ZSCAN23: variants seen among roughly 807,000 people sequenced by gnomAD.
ZSCAN23 encodes the protein zinc finger and SCAN domain containing 23, also known as zinc finger and SCAN domain-containing protein 23.
ZSCAN23 carries 19 observed loss-of-function variants against 19.3 expected under a neutral mutation model. The ratio of observed to expected loss-of-function variants is 0.99; its 90% CI spans 0.69 to 1.45. ZSCAN23 has a LOEUF of 1.45. Ranked by LOEUF, ZSCAN23 falls within the 40% of genes most tolerant of loss-of-function variation. ZSCAN23 has a pLI of 0.00. For synonymous variants in ZSCAN23, 140 were observed against 166.2 expected, an observed-to-expected ratio of 0.84 and a Z score of 1.21; for missense variants, 372 against 462.5, an observed-to-expected ratio of 0.80 and a Z score of 1.79.
Position 28,440,345 on chromosome 6 carries a change from G to C in ZSCAN23, c.-78+3054C>G, listed in dbSNP as rs531471683. Among the ~76,000 whole-genome samples the C allele has an allele frequency of 4.6e-5, 7 of 152,222 alleles. No individual in the cohort carries two copies. The East Asian group carries it at 1.4e-3, about 29-fold the overall frequency. On this transcript the variant is annotated intron_variant, in intron 1 of 3. Transcript: ENST00000289788. ...ACCACTGGGGATTTTTGAGCCAAGG[G>C]GTAACAAAATTTTACTTCCATTTAA...
chr6:28,435,116 G>C, intron 3 of ZSCAN23, 38 bp from the exon 4 acceptor site: 1 of 1,475,078 alleles, frequency 6.8e-7, no homozygotes, highest in Non-Finnish European at 9.0e-7. Flanking sequence ...CATGAAGTAT[G>C]AAAAATAACA....
At chr6:28,441,387 G>A (rs1761997333) in intron 1 of ZSCAN23, among the ~76,000 whole-genome samples, 1 of 152,136 alleles carries the variant, frequency 6.6e-6, no homozygotes, top group African/African-American at 2.4e-5. Context: ...GCTCCAGTCA[G>A]GTTTTTCTTC....
At chr6:28,430,207 C>G (rs548239363), downstream of ZSCAN23, among the ~76,000 whole-genome samples, 5 of 149,910 alleles carry the variant, frequency 3.3e-5, no homozygotes, top group Non-Finnish European at 5.9e-5. Flanking sequence ...CAGGGTCTTT[C>G]CCTCTATCCT....
Position 28,434,514 on chromosome 6 carries a change from C to G in ZSCAN23, c.1121G>C (p.Cys374Ser), listed in dbSNP as rs1253285811. ...GACTTTCCGATGCTGGATTAGGTTG[C>G]AATGGTAAATGAAGTTCTTGCCACA... ...EECGKNFIYH[C>S]NLIQHRKVHP... Residue 374 changes from cysteine to serine, a missense_variant, in exon 4 of 4, where the codon TGC (cysteine) becomes TCC (serine). Transcript: ENST00000289788. 1 of 1,551,664 alleles carries G rather than the reference C, an allele frequency of 6.4e-7. No individual in the cohort carries two copies. The highest frequency in any genetic ancestry group is 8.7e-7 in the Non-Finnish European group (1 of 1,146,872).
Position 28,434,649 on chromosome 6 carries a change from C to G in ZSCAN23, c.986G>C (p.Gly329Ala). The G allele has an allele frequency of 6.4e-7, 1 of 1,565,640 alleles. No homozygotes were observed. Among genetic ancestry groups the G allele is most frequent in the South Asian group, 1.2e-5 (1 of 85,528 alleles). The change falls in exon 4 of 4, where the codon GGG becomes GCG. Residue 329 changes from glycine (G) to alanine (A), a missense_variant. Coordinates refer to ENST00000289788, the MANE Select transcript of ZSCAN23 (RefSeq NM_001012455.2). ...GLFHHLRIHT[G>A]EKPYQCNQCN... Reference sequence around the variant, plus strand: ...CTGATTGCACTGGTAAGGCTTCTCCCCAGTGTGAATTCTGAGGTGATGGAA... The same window carrying G: ...CTGATTGCACTGGTAAGGCTTCTCCGCAGTGTGAATTCTGAGGTGATGGAA...
chr6:28,434,120 T>G lies in ZSCAN23; in HGVS notation c.*345A>C. 1 of 178,728 alleles carries G rather than the reference T, an allele frequency of 5.6e-6. No individual in the cohort carries two copies. Among genetic ancestry groups the G allele is most frequent in the South Asian group, 1.9e-4 (1 of 5,346 alleles). The allele number at this position is 178,728 out of a possible 1,614,324, so 11.1% of individuals were successfully genotyped here. The stretch of plus-strand genomic sequence containing the variant: ...TTTTAAATACTCGGTGAACTGCATT[T>G]GAGATTATTTTGTACTCAGCCTACA... On this transcript the variant is annotated 3_prime_UTR_variant, in exon 4 of 4. Coordinates refer to ENST00000289788, the MANE Select transcript of ZSCAN23 (RefSeq NM_001012455.2).
chr6:28,439,269 G>A (rs999697719), intron 1 of ZSCAN23, among the ~76,000 whole-genome samples: 18 of 151,658 alleles, frequency 1.2e-4, no homozygotes, highest in Admixed American at 1.1e-3. Context: ...GTATTTTTTT[G>A]GTAGAGACAG....
At chr6:28,435,202 G>T in intron 3 of ZSCAN23, 124 bp from the exon 4 acceptor site, 1 of 1,210,532 alleles carries the variant, frequency 8.3e-7, no homozygotes, top group Non-Finnish European at 1.1e-6. Context: ...CACTTTTTCT[G>T]TTTATTTTTC....
At chr6:28,423,451 A>G in the ZSCAN23 span, among the ~76,000 whole-genome samples, 1 of 152,058 alleles carries the variant, frequency 6.6e-6, no homozygotes, top group East Asian at 1.9e-4. Flanking sequence ...CCTCTTTCCT[A>G]TACTCTGGGA....
At chr6:28,437,750 A>G (rs1297920985) in intron 1 of ZSCAN23, among the ~76,000 whole-genome samples, 1 of 152,192 alleles carries the variant, frequency 6.6e-6, no homozygotes, top group African/African-American at 2.4e-5. Context: ...TTATTAAGAA[A>G]TATTTTATAT....
chr6:28,424,230 AGT>A, the ZSCAN23 span, among the ~76,000 whole-genome samples: 3 of 152,226 alleles, frequency 2.0e-5, no homozygotes, highest in African/African-American at 7.2e-5. Flanking sequence ...CAGTCTATTA[AGT>A]GTGCAGTAGC....
At chr6:28,441,638 C>A (rs1269265480) in intron 1 of ZSCAN23, among the ~76,000 whole-genome samples, 2 of 151,994 alleles carry the variant, frequency 1.3e-5, no homozygotes, top group African/African-American at 2.4e-5. Context: ...TCTTCAGAAC[C>A]TTTTTTAAAT....
At chr6:28,435,726 C>A in intron 2 of ZSCAN23, 119 bp from the exon 3 acceptor site, 1 of 1,428,226 alleles carries the variant, frequency 7.0e-7, no homozygotes, top group Non-Finnish European at 9.3e-7. Context: ...AAAACAGAGG[C>A]AGAGAGACTA....
chr6:28,435,359 C>G, intron 3 of ZSCAN23, 101 bp downstream of exon 3: 1 of 1,422,174 alleles, frequency 7.0e-7, no homozygotes, highest in Non-Finnish European at 9.4e-7. Context: ...TCCCTGGTAC[C>G]TGGCACAGTG....
chr6:28,429,366 G>GTAC (rs1761712193), downstream of ZSCAN23, among the ~76,000 whole-genome samples: 1 of 152,116 alleles, frequency 6.6e-6, no homozygotes, highest in African/African-American at 2.4e-5. Flanking sequence ...AGAAATTCAC[G>GTAC]TACCACTTCC....
rs1761845143 is a variant in ZSCAN23, at chr6:28,434,899, C to T, written c.736G>A (p.Glu246Lys). Residue 246 changes from glutamate to lysine, a missense_variant, in exon 4 of 4, where the codon GAG (glutamate) becomes AAG (lysine). Glu to Lys is a moderately conservative substitution (Grantham distance 56). Coordinates refer to ENST00000289788, the MANE Select transcript of ZSCAN23 (RefSeq NM_001012455.2). Reference sequence around the variant, plus strand: ...CATTCACTACAGATATAGGGTCTCTCCACTGAAGAGCTCACCCTTTGCTTT... The same window carrying T: ...CATTCACTACAGATATAGGGTCTCTTCACTGAAGAGCTCACCCTTTGCTTT... ...LEKQRVSSSV[E>K]RPYICSECGK... 1.3e-6 allele frequency: 2 copies of T among 1,553,576 alleles called. No homozygotes were observed. Among genetic ancestry groups the T allele is most frequent in the South Asian group, 1.2e-5 (1 of 84,196 alleles).
At chr6:28,426,652 G>T in the ZSCAN23 span, among the ~76,000 whole-genome samples, 1 of 152,198 alleles carries the variant, frequency 6.6e-6, no homozygotes, top group Non-Finnish European at 1.5e-5. Flanking sequence ...TTGGAAAAAT[G>T]GTGTTGACAG....
In ZSCAN23 at chr6:28,433,084, G is replaced by C. The variant is rs1376599043; in HGVS notation, c.*1381C>G. 1 of 152,060 alleles carries C rather than the reference G, an allele frequency of 6.6e-6. No homozygotes were observed. Among genetic ancestry groups the C allele is most frequent in the Non-Finnish European group, 1.5e-5 (1 of 67,970 alleles). 9.4% of individuals were successfully genotyped at this position (152,060 alleles called of 1,614,324 possible). A position where few individuals can be genotyped will look rare whatever the true frequency, so the allele number is the denominator to read the frequency against. On this transcript the variant is annotated 3_prime_UTR_variant, in exon 4 of 4. Transcript: ENST00000289788. ...TACAAAAATAAAATGCTTTCAATGA[G>C]GAATAAATGAGAAGAGTCTTTCCTG... is the stretch of plus-strand genomic sequence containing the variant.
In ZSCAN23 at chr6:28,433,509, A is replaced by G. The variant is rs1208113207; in HGVS notation, c.*956T>C. ...GGTTTTCCATTTCTTTGTCTCCTGG[A>G]CCTTGTGTAAAGCTTTGTAAAGAGT... On this transcript the variant is annotated 3_prime_UTR_variant, in exon 4 of 4. Coordinates refer to ENST00000289788, the MANE Select transcript of ZSCAN23 (RefSeq NM_001012455.2). 6.6e-6 allele frequency: 1 copy of G among 151,974 alleles called. No homozygotes were observed. Among genetic ancestry groups the G allele is most frequent in the Non-Finnish European group, 1.5e-5 (1 of 67,976 alleles). The allele number at this position is 151,974 out of a possible 1,614,324, so 9.4% of individuals were successfully genotyped here.
Sources: gnomAD v4.1 joint callset for allele counts (sites outside exome capture counted in the v4.1 genomes callset) on GRCh38, gnomAD v4.1.1 for gene constraint, MANE v1.5 for transcripts, NCBI Gene and HGNC (gene_info 2026-07-23, HGNC 2026-07-21) for gene names.